The following MBD5 variants were observed in gnomAD, a reference collection of about 807,000 sequenced individuals.
MBD5 encodes the protein methyl-CpG binding domain protein 5.
MBD5 carries 13 observed loss-of-function variants against 117.3 expected under a neutral mutation model. That is an observed-to-expected ratio of 0.11 (90% CI 0.07 to 0.18). The LOEUF (loss-of-function observed/expected upper bound fraction) is 0.18, where lower values mean the gene tolerates loss of function less well. MBD5 is among the 10% of genes least tolerant of loss of function. MBD5 has a pLI of 1.00. For synonymous variants in MBD5, 727 were observed against 766.4 expected (o/e 0.95, Z 0.85); for missense variants, 1,879 against 2,093.8 (o/e 0.90, Z 2.00).
rs781542059 is a variant in MBD5 at position 148,489,792 on chromosome 2, A to G, written c.4160A>G (p.His1387Arg). Residue 1387 changes from histidine to arginine, a missense_variant, in exon 11 of 14, where the codon CAT becomes CGT. Physicochemically the swap from His to Arg is conservative, Grantham distance 29. Transcript: ENST00000642680. ...GGACGGAACATGGGAGGTGTTGATC[A>G]TGATGGTAGGCTGAGGAATTCAAGA... ...IHGRNMGGVD[H>R]DGRLRNSRGA... The G allele has an allele frequency of 6.8e-6, 11 of 1,613,962 alleles. No homozygotes were observed. The highest frequency in any genetic ancestry group is 3.4e-6 in the Non-Finnish European group (4 of 1,180,010).
At chr2:148,506,360 G>A (rs1682032642) in intron 12 of MBD5, among the ~76,000 whole-genome samples, 1 of 152,172 alleles carries the variant, frequency 6.6e-6, no homozygotes. Flanking sequence ...TGGGAAACCT[G>A]ATTTTTTGTG....
In MBD5 at chr2:148,098,586, A is replaced by G. The variant is rs907528829; in HGVS notation, c.-925+76902A>G. On this transcript the variant is annotated intron_variant, in intron 1 of 13. Transcript: ENST00000642680. ...AAGAGGTTATTAACTTTCACATTGC[A>G]TCTGAATCACCTGGTGAGCTTTTCA... Among the ~76,000 whole-genome samples, 12 of 152,278 alleles carry G rather than the reference A, an allele frequency of 7.9e-5. No homozygotes were observed. The East Asian group carries it at 1.9e-3, about 25-fold the overall frequency.
chr2:148,303,140 G>A (rs1332272401), intron 3 of MBD5, among the ~76,000 whole-genome samples: 1 of 152,034 alleles, frequency 6.6e-6, no homozygotes, highest in African/African-American at 2.4e-5. Context: ...TTAATAAGTG[G>A]AACCTTCTGA....
chr2:148,291,914 C>A (rs1701508443), intron 3 of MBD5, among the ~76,000 whole-genome samples: 1 of 152,138 alleles, frequency 6.6e-6, no homozygotes, highest in South Asian at 2.1e-4. Context: ...CAAATCCATA[C>A]ACATACAGTG....
chr2:148,227,546 A>G (rs905714918), intron 2 of MBD5, among the ~76,000 whole-genome samples: 27 of 152,230 alleles, frequency 1.8e-4, no homozygotes, highest in African/African-American at 5.1e-4. Flanking sequence ...GTCAGGTAGC[A>G]TGATGCCTCC....
At chr2:148,433,934 T>A (rs1440393588) in intron 4 of MBD5, among the ~76,000 whole-genome samples, 4 of 82,286 alleles carry the variant, frequency 4.9e-5, no homozygotes, top group South Asian at 6.3e-4. Context: ...TTCATTTTTC[T>A]TTTTTTTTTT....
chr2:148,264,646 C>T (rs960736490), intron 3 of MBD5: 5 of 152,112 alleles, frequency 3.3e-5, no homozygotes, highest in African/African-American at 1.2e-4. Flanking sequence ...CCTGCAGAAT[C>T]TATAGGGGTG....
At chr2:148,339,962 T>A (rs184818465) in intron 3 of MBD5, among the ~76,000 whole-genome samples, 4 of 152,194 alleles carry the variant, frequency 2.6e-5, no homozygotes, top group African/African-American at 9.6e-5. Context: ...GGGTTCAGAT[T>A]TTTTTCTCCT....
At chr2:148,281,969 G>GT (rs1701258411) in intron 3 of MBD5, among the ~76,000 whole-genome samples, 1 of 152,050 alleles carries the variant, frequency 6.6e-6, no homozygotes, top group Non-Finnish European at 1.5e-5. Flanking sequence ...ACCAGACTTG[G>GT]AGCTTAACTA....
At chr2:148,277,573 G>GT (rs1701145768) in intron 3 of MBD5, among the ~76,000 whole-genome samples, 1 of 152,076 alleles carries the variant, frequency 6.6e-6, no homozygotes, top group African/African-American at 2.4e-5. Context: ...AAGCAATGTA[G>GT]TTTTTTATCT....
chr2:148,127,813 T>A (rs1364752303), intron 1 of MBD5, among the ~76,000 whole-genome samples: 1 of 152,212 alleles, frequency 6.6e-6, no homozygotes, highest in Non-Finnish European at 1.5e-5. Flanking sequence ...ACCCACACTG[T>A]CTTTCACAAT....
At chr2:148,229,968 G>A (rs935015463) in intron 2 of MBD5, among the ~76,000 whole-genome samples, 4 of 152,120 alleles carry the variant, frequency 2.6e-5, no homozygotes, top group African/African-American at 9.7e-5. Context: ...CTCTGTGGCC[G>A]TCACCACTAG....
intron 8 of MBD5, 24 bp from the exon 9 acceptor site, chr2:148,483,084 TTG>T: frequency 6.5e-7 from 1 of 1,526,836 alleles, no homozygotes; most frequent in Non-Finnish European, 8.7e-7. Context: ...TAACTGGGTT[TTG>T]TGTTTTTTTT....
chr2:148,382,521 C>G (rs1704184736), intron 4 of MBD5, among the ~76,000 whole-genome samples: 1 of 152,064 alleles, frequency 6.6e-6, no homozygotes, highest in African/African-American at 2.4e-5. Context: ...CTTTAACACC[C>G]CACTGTCAAC....
At chr2:148,342,417 G>A (rs1189658507) in intron 4 of MBD5, 81 bp downstream of exon 4, 1 of 151,876 alleles carries the variant, frequency 6.6e-6, no homozygotes, top group East Asian at 1.9e-4. Context: ...TTAAATATGG[G>A]AAGTGTCTGA....
intron 6 of MBD5, among the ~76,000 whole-genome samples, chr2:148,463,412 T>C (rs1036065527): frequency 2.0e-5 from 3 of 152,180 alleles, no homozygotes; most frequent in African/African-American, 7.2e-5. Context: ...TGTTTTGTCT[T>C]TTTTAAGTGT....
At chr2:148,231,411 GC>G (rs779956514) in intron 2 of MBD5, among the ~76,000 whole-genome samples, 2 of 152,166 alleles carry the variant, frequency 1.3e-5, no homozygotes, top group African/African-American at 2.4e-5. Context: ...TCCACACCAT[GC>G]CTCTGCTGCT....
intron 1 of MBD5, among the ~76,000 whole-genome samples, chr2:148,170,478 G>A (rs1249345505): frequency 6.6e-6 from 1 of 152,096 alleles, no homozygotes; most frequent in Non-Finnish European, 1.5e-5. Flanking sequence ...TTAATTCATT[G>A]ACTGTTTGAT....
chr2:148,036,022 T>A (rs900442411), intron 1 of MBD5, among the ~76,000 whole-genome samples: 2 of 152,208 alleles, frequency 1.3e-5, no homozygotes, highest in Admixed American at 1.3e-4. Flanking sequence ...ATATTTCATT[T>A]GGTACAATAA....
Sources: gnomAD v4.1 joint callset for allele counts (sites outside exome capture counted in the v4.1 genomes callset) on GRCh38, gnomAD v4.1.1 for gene constraint, MANE v1.5 for transcripts, NCBI Gene and HGNC (gene_info 2026-07-23, HGNC 2026-07-21) for gene names.